Variants in MKX observed in about 807,000 individuals in gnomAD.
The protein encoded by MKX is homeobox protein Mohawk.
In MKX, 13 loss-of-function variants were observed where a neutral mutation model predicts 36.0. The ratio of observed to expected loss-of-function variants is 0.36; its 90% CI spans 0.24 to 0.57. The LOEUF is 0.57. MKX is among the 20% of genes least tolerant of loss of function. The pLI, the probability that MKX is intolerant of heterozygous loss-of-function variation, is 0.79. For missense variants in MKX, 458 were observed against 456.4 expected, an observed-to-expected ratio of 1.00 and a Z score of -0.03; for synonymous variants, 176 against 178.3, an observed-to-expected ratio of 0.99 and a Z score of 0.10.
Position 27,675,137 on chromosome 10 carries a change from A to G in MKX, c.*92T>C. The G allele has an allele frequency of 3.3e-6, 4 of 1,194,526 alleles. No homozygotes were observed. The highest frequency in any genetic ancestry group is 4.7e-6 in the Non-Finnish European group (4 of 844,350). The allele number at this position is 1,194,526 out of a possible 1,614,324, so 74.0% of individuals were successfully genotyped here. Reference sequence around the variant, plus strand: ...TTAAAAATAAGAAGAGGTTTGGGAGAGAGTCATTTTCATCCCTGCTTCGGC... The same window carrying G: ...TTAAAAATAAGAAGAGGTTTGGGAGGGAGTCATTTTCATCCCTGCTTCGGC... On this transcript the variant is annotated 3_prime_UTR_variant, in exon 7 of 7. Coordinates refer to ENST00000419761, the MANE Select transcript of MKX (RefSeq NM_173576.3).
intron 5 of MKX, among the ~76,000 whole-genome samples, chr10:27,720,266 T>G (rs1834348197): frequency 6.6e-6 from 1 of 151,394 alleles, no homozygotes; most frequent in Non-Finnish European, 1.5e-5. Flanking sequence ...ACATTCCAGC[T>G]CATTCAATAA....
intron 5 of MKX, among the ~76,000 whole-genome samples, chr10:27,683,681 G>A (rs73604034): frequency 0.015 from 2,331 of 152,318 alleles, 57 homozygotes; most frequent in African/African-American, 0.052. Context: ...CAGAGCCTGC[G>A]TCTAGTGTGT....
At chr10:27,706,604 T>A (rs1836761143) in intron 5 of MKX, among the ~76,000 whole-genome samples, 1 of 151,470 alleles carries the variant, frequency 6.6e-6, no homozygotes, top group Non-Finnish European at 1.5e-5. Flanking sequence ...TCCTAGTGGG[T>A]GTGAGGTGGT....
chr10:27,729,832 G>A (rs1287260548), intron 5 of MKX, among the ~76,000 whole-genome samples: 1 of 152,058 alleles, frequency 6.6e-6, no homozygotes, highest in Non-Finnish European at 1.5e-5. Flanking sequence ...AGTTAGAAAA[G>A]GTTCCAGTGA....
rs1164978034 is a variant in MKX, at chr10:27,741,501, G to A, written c.192C>T (p.Ala64=). The A allele has an allele frequency of 6.3e-7, 1 of 1,591,246 alleles. No individual in the cohort carries two copies. Among genetic ancestry groups the A allele is most frequent in the Non-Finnish European group, 8.5e-7 (1 of 1,171,364 alleles). Residue 64 remains alanine (A), a synonymous_variant, in exon 3 of 7, where the codon GCC becomes GCT. Transcript: ENST00000419761. This position sits in a 1 kb window ranked among gnomAD's most constrained non-coding sequence, Gnocchi z 5.1. The part of the protein sequence containing the change: ...NLGLRHRRTG[A]RQNGGKVRHK... ...GCCTCACCTTCCCGCCATTCTGCCG[G>A]GCGCTGGGACATGGGGAGAGGAGGC...
Position 27,685,472 on chromosome 10 carries a change from G to A in MKX, c.839-9918C>T, listed in dbSNP as rs541744656. Among the ~76,000 whole-genome samples, 215 of 132,484 alleles carry A rather than the reference G, an allele frequency of 1.6e-3. 1 individual carries two copies. The highest frequency in any genetic ancestry group is 9.0e-3 in the Middle Eastern group (2 of 222). 86.9% of individuals were successfully genotyped at this position (132,484 alleles called of 152,430 possible). ...TTTTTTTTTTTTTTTTTTTTGAGAC[G>A]GAGTCCCGCTCTGTTGCCCAGGCTG... On this transcript the variant is annotated intron_variant, in intron 5 of 6. Coordinates refer to ENST00000419761, the MANE Select transcript of MKX (RefSeq NM_173576.3).
At chr10:27,733,872 T>C (rs1349568666) in intron 5 of MKX, among the ~76,000 whole-genome samples, 1 of 152,244 alleles carries the variant, frequency 6.6e-6, no homozygotes, top group African/African-American at 2.4e-5. Flanking sequence ...CATCCCTGCT[T>C]ATGCTTTTCA....
intron 3 of MKX, 61 bp from the exon 4 acceptor site, chr10:27,735,435 T>C (rs1034726188): frequency 2.7e-6 from 4 of 1,460,770 alleles, no homozygotes; most frequent in Non-Finnish European, 2.8e-6. Flanking sequence ...GTGCGATTAT[T>C]TTCTCATAAA....
chr10:27,707,481 T>G (rs1477613248), intron 5 of MKX, among the ~76,000 whole-genome samples: 1 of 152,034 alleles, frequency 6.6e-6, no homozygotes, highest in African/African-American at 2.4e-5. Flanking sequence ...TGGGTATCTC[T>G]TAAAGAAATC....
In MKX at chr10:27,735,784, T is replaced by C. The variant is rs113401631; in HGVS notation, c.349-410A>G. 5.7e-3 allele frequency among the ~76,000 whole-genome samples: 868 copies of C among 152,210 alleles called. 11 individuals carry two copies. Among genetic ancestry groups the C allele is most frequent in the African/African-American group, 0.02 (839 of 41,532 alleles). ...CTTTTTGAGGAAGTTAAGTGAGCCT[T>C]TGAAGAAAGTCCAGAATAGGTCAGG... On this transcript the variant is annotated intron_variant, in intron 3 of 6. Coordinates refer to ENST00000419761, the MANE Select transcript of MKX (RefSeq NM_173576.3).
At chr10:27,694,174 T>C (rs1836504788) in intron 5 of MKX, among the ~76,000 whole-genome samples, 1 of 152,052 alleles carries the variant, frequency 6.6e-6, no homozygotes, top group African/African-American at 2.4e-5. Context: ...AATGGACTAA[T>C]ACAATTATAG....
chr10:27,714,014 A>T (rs1308021782), intron 5 of MKX, among the ~76,000 whole-genome samples: 1 of 145,550 alleles, frequency 6.9e-6, no homozygotes, highest in Non-Finnish European at 1.5e-5. Flanking sequence ...AAGACCAAAA[A>T]AAAAAAAAAA....
chr10:27,694,543 T>TAA (rs1554770433), intron 5 of MKX, among the ~76,000 whole-genome samples: 1 of 142,374 alleles, frequency 7.0e-6, no homozygotes, highest in Non-Finnish European at 1.5e-5. Context: ...TATATATATA[T>TAA]AAATTAGCCG....
intron 5 of MKX, among the ~76,000 whole-genome samples, chr10:27,689,616 G>A (rs1012645609): frequency 1.2e-4 from 18 of 152,118 alleles, no homozygotes; most frequent in East Asian, 1.9e-4. Flanking sequence ...CTCCTTGCCC[G>A]TGGGAAGGTG....
At chr10:27,685,644 G>T (rs1467968555) in intron 5 of MKX, among the ~76,000 whole-genome samples, 1 of 152,040 alleles carries the variant, frequency 6.6e-6, no homozygotes, top group Non-Finnish European at 1.5e-5. Context: ...TAGAGACGGG[G>T]TTTCACCGTG....
intron 5 of MKX, among the ~76,000 whole-genome samples, chr10:27,728,852 G>A (rs1172139914): frequency 1.3e-5 from 2 of 152,134 alleles, no homozygotes; most frequent in Non-Finnish European, 2.9e-5. Flanking sequence ...GTTTGGAGAT[G>A]GCAGTTGGAC....
At position 27,702,309 on chromosome 10, in the gene MKX, A is replaced by C. The variant is rs995380844; in HGVS notation, c.839-26755T>G. Among the ~76,000 whole-genome samples the C allele has an allele frequency of 4.6e-5, 7 of 152,346 alleles. 1 individual carries two copies. Among genetic ancestry groups the C allele is most frequent in the Admixed American group, 4.6e-4 (7 of 15,306 alleles). ...ACGAAGGTTAGTGGTATTAGGAGAC[A>C]CAGGGACATACCAATGACCACACAT... is the stretch of plus-strand genomic sequence containing the variant. On this transcript the variant is annotated intron_variant, in intron 5 of 6. Transcript: ENST00000419761.
chr10:27,677,731 G>A (rs1348031343), intron 5 of MKX, among the ~76,000 whole-genome samples: 1 of 152,230 alleles, frequency 6.6e-6, no homozygotes, highest in African/African-American at 2.4e-5. Flanking sequence ...CAAGGTTGTT[G>A]TGAAGAACAC....
At chr10:27,730,321 C>T (rs1320688733) in intron 5 of MKX, among the ~76,000 whole-genome samples, 13 of 152,216 alleles carry the variant, frequency 8.5e-5, no homozygotes, top group Non-Finnish European at 5.9e-5. Context: ...TTTGCATTTG[C>T]TTTGATGTTT....
Sources: gnomAD v4.1 joint callset for allele counts (sites outside exome capture counted in the v4.1 genomes callset) on GRCh38, gnomAD v4.1.1 for gene constraint, Gnocchi (gnomAD v3.1) non-coding constraint, MANE v1.5 for transcripts, NCBI Gene and HGNC (gene_info 2026-07-23, HGNC 2026-07-21) for gene names.